Variants in UBR3 observed in about 807,000 individuals in gnomAD.
UBR3 encodes the protein E3 ubiquitin-protein ligase UBR3.
UBR3 carries 85 observed loss-of-function variants against 243.2 expected under a neutral mutation model. That is an observed-to-expected ratio of 0.35 (90% CI 0.29 to 0.42). The LOEUF (loss-of-function observed/expected upper bound fraction) is 0.42. Ranked by LOEUF, UBR3 falls within the 10% of genes least tolerant of loss-of-function variation. The probability of loss-of-function intolerance (pLI) is 1.00; values close to 1 mark genes in which losing one functional copy is unlikely to be tolerated. For synonymous variants in UBR3, 748 were observed against 799.8 expected (o/e 0.94, Z 1.09); for missense variants, 1,686 against 2,300.8 (o/e 0.73, Z 5.47).
rs201996654 is a variant in UBR3 at position 170,001,939 on chromosome 2, A to G, written c.4029+525A>G. Reference sequence around the variant, plus strand: ...AAAAAAAAAAAAAAAAAAAAAAAAAAAAAGAAAGAAAAATTTTTTTCACTT... The same window carrying G: ...AAAAAAAAAAAAAAAAAAAAAAAAAGAAAGAAAGAAAAATTTTTTTCACTT... On this transcript the variant is annotated intron_variant, in intron 27 of 38. Coordinates refer to ENST00000272793, the MANE Select transcript of UBR3 (RefSeq NM_172070.4). Among the ~76,000 whole-genome samples, 268 of 116,178 alleles carry G rather than the reference A, an allele frequency of 2.3e-3. 4 individuals carry two copies. Among genetic ancestry groups the G allele is most frequent in the South Asian group, 8.6e-3 (27 of 3,144 alleles). 76.2% of individuals were successfully genotyped at this position (116,178 alleles called of 152,430 possible). A position where few individuals can be genotyped will look rare whatever the true frequency, so the allele number is the denominator to read the frequency against.
At chr2:169,923,128 A>G (rs2085770202) in intron 11 of UBR3, among the ~76,000 whole-genome samples, 1 of 152,182 alleles carries the variant, frequency 6.6e-6, no homozygotes, top group African/African-American at 2.4e-5. Flanking sequence ...TCACAGATTT[A>G]AAATACAGTT....
In UBR3 at chr2:169,994,365, C is replaced by T. The variant is rs762961833; in HGVS notation, c.3827C>T (p.Pro1276Leu). The T allele has an allele frequency of 4.3e-6, 7 of 1,613,994 alleles. No individual in the cohort carries two copies. The East Asian group carries it at 8.9e-5, about 21-fold the overall frequency. ...CRDNVEPKKL[P>L]ISEEEQIYPW... is the part of the protein sequence containing the mutation. ...GACAATGTTGAGCCAAAAAAGTTGC[C>T]GATCAGTGAAGAGGAGCAGATTTAC... The change falls in exon 26 of 39, where the codon CCG becomes CTG. Residue 1276 changes from proline to leucine, a missense_variant. This residue lies in a region of UBR3 where 156 missense variants were observed against 246.3 expected (regional missense o/e 0.63). Transcript: ENST00000272793.
At chr2:169,894,397 A>G (rs992722295) in intron 6 of UBR3, among the ~76,000 whole-genome samples, 4 of 151,290 alleles carry the variant, frequency 2.6e-5, no homozygotes, top group South Asian at 2.1e-4. Context: ...AACCACTACT[A>G]TATATCACTT....
chr2:169,977,364 G>C (rs1272652566), intron 24 of UBR3, among the ~76,000 whole-genome samples: 1 of 152,136 alleles, frequency 6.6e-6, no homozygotes, highest in African/African-American at 2.4e-5. Context: ...AATTACAAAG[G>C]TGACATCCCA....
intron 6 of UBR3, 87 bp downstream of exon 6, chr2:169,891,318 T>G: frequency 1.0e-6 from 1 of 960,550 alleles, no homozygotes; most frequent in Non-Finnish European, 1.6e-6. Context: ...GGGCTAGCCA[T>G]ACTGACATCA....
rs548568635 is a variant in UBR3 at position 170,080,214 on chromosome 2, T to G, written c.5409+191T>G. 83 of 610,896 alleles carry G rather than the reference T, an allele frequency of 1.4e-4. No individual in the cohort carries two copies. In the African/African-American group the frequency reaches 1.5e-3, roughly 11 times the overall value. The allele number at this position is 610,896 out of a possible 1,614,324, so 37.8% of individuals were successfully genotyped here. On this transcript the variant is annotated intron_variant, in intron 37 of 38. Transcript: ENST00000272793. The stretch of plus-strand genomic sequence containing the variant: ...TTGAGGCTTTAAGTGAGTAAATCCT[T>G]CCTTAAGTACAATTCTAGTTCTCCT...
At chr2:169,986,952 T>C (rs1350234701) in intron 25 of UBR3, among the ~76,000 whole-genome samples, 158 bp downstream of exon 25, 4 of 152,224 alleles carry the variant, frequency 2.6e-5, no homozygotes, top group African/African-American at 9.6e-5. Context: ...TTATCGGTTA[T>C]ATCTTATTTT....
chr2:170,039,943 A>G (rs1232169154), intron 31 of UBR3, among the ~76,000 whole-genome samples: 2 of 152,098 alleles, frequency 1.3e-5, no homozygotes, highest in Non-Finnish European at 2.9e-5. Flanking sequence ...TGTGTTGCCC[A>G]GTTGGATCTT....
At chr2:170,049,524 A>C (rs892755880) in intron 32 of UBR3, among the ~76,000 whole-genome samples, 7 of 152,084 alleles carry the variant, frequency 4.6e-5, no homozygotes, top group Non-Finnish European at 1.5e-5. Context: ...GGGGTCTTGG[A>C]GTGTATCTCC....
rs951899289 is a variant in UBR3, at chr2:169,828,180, G to A, written c.545+128G>A. The A allele has an allele frequency of 8.4e-6, 10 of 1,185,032 alleles. No homozygotes were observed. The East Asian group carries it at 3.2e-4, about 38-fold the overall frequency. 73.4% of individuals were successfully genotyped at this position (1,185,032 alleles called of 1,614,324 possible). A position where few individuals can be genotyped will look rare whatever the true frequency, so the allele number is the denominator to read the frequency against. On this transcript the variant is annotated intron_variant, in intron 1 of 38. Transcript: ENST00000272793. Reference sequence around the variant, plus strand: ...GGGTGCGGGGGAGGGTGCAGCCACAGGGGGATGGAGGTGACTGAGCTGTCA... The same window carrying A: ...GGGTGCGGGGGAGGGTGCAGCCACAAGGGGATGGAGGTGACTGAGCTGTCA...
intron 33 of UBR3, among the ~76,000 whole-genome samples, chr2:170,056,159 C>T (rs1336170606): frequency 6.6e-6 from 1 of 151,936 alleles, no homozygotes; most frequent in Non-Finnish European, 1.5e-5. Context: ...AGGCGCCTGC[C>T]ACCATGCCCA....
At chr2:169,836,147 G>T (rs2082107072) in intron 1 of UBR3, among the ~76,000 whole-genome samples, 1 of 138,048 alleles carries the variant, frequency 7.2e-6, no homozygotes, top group East Asian at 2.3e-4. Flanking sequence ...GCAATGGTGC[G>T]ATCTCGGCTC....
intron 1 of UBR3, among the ~76,000 whole-genome samples, chr2:169,843,623 T>A (rs1228933587): frequency 1.3e-5 from 2 of 152,256 alleles, no homozygotes; most frequent in Non-Finnish European, 2.9e-5. Context: ...TGAACCAGTC[T>A]TGCATTTCTG....
At chr2:170,024,331 G>A (rs62172026) in intron 30 of UBR3, among the ~76,000 whole-genome samples, 2 of 136,720 alleles carry the variant, frequency 1.5e-5, no homozygotes, top group Non-Finnish European at 3.1e-5. Context: ...TCCATCTTGG[G>A]CGACAGTGCG....
At chr2:169,880,463 A>G (rs1205073771) in intron 5 of UBR3, among the ~76,000 whole-genome samples, 1 of 152,190 alleles carries the variant, frequency 6.6e-6, no homozygotes, top group Non-Finnish European at 1.5e-5. Context: ...TCCTCTGTCT[A>G]GGACAGAAGT....
chr2:169,867,273 C>T (rs2083292597), intron 1 of UBR3, among the ~76,000 whole-genome samples: 1 of 152,000 alleles, frequency 6.6e-6, no homozygotes, highest in South Asian at 2.1e-4. Context: ...TTCCCTTCTC[C>T]AAAATAGTAT....
At chr2:169,833,757 T>G (rs1287743386) in intron 1 of UBR3, among the ~76,000 whole-genome samples, 2 of 152,084 alleles carry the variant, frequency 1.3e-5, no homozygotes, top group Non-Finnish European at 2.9e-5. Flanking sequence ...TAAAAGAGAT[T>G]AGTTATAATT....
In UBR3 at chr2:169,927,380, G is replaced by A; in HGVS notation, c.2399G>A (p.Arg800Lys). 3 of 1,550,296 alleles carry A rather than the reference G, an allele frequency of 1.9e-6. No individual in the cohort carries two copies. Among genetic ancestry groups the A allele is most frequent in the Non-Finnish European group, 2.6e-6 (3 of 1,146,374 alleles). The change falls in exon 17 of 39, where the codon AGG becomes AAG. Residue 800 changes from arginine to lysine, a missense_variant. Coordinates refer to ENST00000272793, the MANE Select transcript of UBR3 (RefSeq NM_172070.4). ...GTAGCCCAGCTGTGTATGAATGACAGGACACACAGTTCATTGCTGGACCTC... is the reference window on the plus strand; with the variant it reads ...GTAGCCCAGCTGTGTATGAATGACAAGACACACAGTTCATTGCTGGACCTC... ...EMVAQLCMND[R>K]THSSLLDLIP...
At position 169,994,311 on chromosome 2, in the gene UBR3, C is replaced by A; in HGVS notation, c.3785-12C>A. On this transcript the variant is annotated splice_polypyrimidine_tract_variant and intron_variant, in intron 25 of 38. Coordinates refer to ENST00000272793, the MANE Select transcript of UBR3 (RefSeq NM_172070.4). ...TTATTTTTGATTAATGAGCTTTTAT[C>A]TGTTAATGTAGTTTTGGGGCAGTGC... 1 of 1,613,240 alleles carries A rather than the reference C, an allele frequency of 6.2e-7. No individual in the cohort carries two copies. Among genetic ancestry groups the A allele is most frequent in the Non-Finnish European group, 8.5e-7 (1 of 1,179,460 alleles).
Sources: gnomAD v4.1 joint callset for allele counts (sites outside exome capture counted in the v4.1 genomes callset) on GRCh38, gnomAD v4.1.1 for gene constraint, gnomAD v4.1.1 regional missense constraint, MANE v1.5 for transcripts, NCBI Gene and HGNC (gene_info 2026-07-23, HGNC 2026-07-21) for gene names.